Variants in MSI2 observed in about 807,000 individuals in gnomAD.
MSI2 encodes RNA-binding protein Musashi homolog 2.
In MSI2, 17 loss-of-function variants were observed where a neutral mutation model predicts 45.6. That is an observed-to-expected ratio of 0.37 (90% CI 0.26 to 0.56). MSI2 has a LOEUF of 0.56. Among genes scored for constraint, MSI2 ranks in the 20% least tolerant of loss-of-function variants. The pLI is 0.77. For synonymous variants in MSI2, 156 were observed against 158.2 expected (o/e 0.99, Z 0.11); for missense variants, 293 against 444.2 (o/e 0.66, Z 3.06).
chr17:57,463,730 C>T lies in MSI2; in HGVS notation c.405+62259C>T, dbSNP rs150648913. ...CTCCAGCCCCCTGCTCTGCCCCTGG[C>T]CCTGGACAGCACATCTGCTGTGCCC... On this transcript the variant is annotated intron_variant, in intron 6 of 13. Transcript: ENST00000284073. Among the ~76,000 whole-genome samples the T allele has an allele frequency of 5.9e-5, 9 of 151,422 alleles. No homozygotes were observed. In the East Asian group the frequency reaches 1.4e-3, roughly 23 times the overall value.
intron 6 of MSI2, among the ~76,000 whole-genome samples, chr17:57,414,590 C>T (rs2084259547): frequency 6.6e-6 from 1 of 151,980 alleles, no homozygotes; most frequent in African/African-American, 2.4e-5. Context: ...GATGTTTCGC[C>T]ATGTTGGCCA....
At chr17:57,467,393 C>T (rs746316719) in intron 6 of MSI2, among the ~76,000 whole-genome samples, 2 of 151,844 alleles carry the variant, frequency 1.3e-5, no homozygotes, top group African/African-American at 2.4e-5. Flanking sequence ...GACAGATGCA[C>T]GGATAGAAAG....
chr17:57,481,998 G>A (rs1216276590), intron 6 of MSI2, among the ~76,000 whole-genome samples: 1 of 152,198 alleles, frequency 6.6e-6, no homozygotes, highest in Non-Finnish European at 1.5e-5. Flanking sequence ...CCTCAAGATG[G>A]AGGCGAGTCA....
chr17:57,444,963 C>T (rs553095717), intron 6 of MSI2, among the ~76,000 whole-genome samples: 19 of 152,294 alleles, frequency 1.2e-4, no homozygotes, highest in African/African-American at 3.1e-4. Context: ...CTGGCATTCA[C>T]GGGGCATAGT....
intron 8 of MSI2, chr17:57,606,497 A>C (rs1474452120): frequency 6.6e-6 from 1 of 152,164 alleles, no homozygotes; most frequent in Non-Finnish European, 1.5e-5. Flanking sequence ...ACTAGGAGGC[A>C]CCCACTCTCA....
At chr17:57,395,552 G>A (rs1406078012) in intron 5 of MSI2, among the ~76,000 whole-genome samples, 1 of 152,142 alleles carries the variant, frequency 6.6e-6, no homozygotes, top group Non-Finnish European at 1.5e-5. Context: ...AGTTGTGAGG[G>A]TGAGGGAGGA....
intron 5 of MSI2, among the ~76,000 whole-genome samples, chr17:57,365,792 T>C (rs1917144057): frequency 6.6e-6 from 1 of 152,222 alleles, no homozygotes; most frequent in Non-Finnish European, 1.5e-5. Flanking sequence ...ACAGTATACC[T>C]GGTGCTGTTC....
At chr17:57,416,720 G>A (rs2084301100) in intron 6 of MSI2, among the ~76,000 whole-genome samples, 1 of 152,168 alleles carries the variant, frequency 6.6e-6, no homozygotes, top group South Asian at 2.1e-4. Flanking sequence ...CTACACTCAG[G>A]GAGACCTTCA....
intron 7 of MSI2, among the ~76,000 whole-genome samples, chr17:57,540,679 G>A (rs987335650): frequency 6.6e-5 from 10 of 152,190 alleles, no homozygotes; most frequent in Admixed American, 2.0e-4. Context: ...GGGGCAGTGC[G>A]GCTGCAAGCC....
intron 6 of MSI2, among the ~76,000 whole-genome samples, chr17:57,411,888 TC>T (rs1253315620): frequency 6.6e-6 from 1 of 151,900 alleles, no homozygotes; most frequent in Non-Finnish European, 1.5e-5. Flanking sequence ...GCGCTTGTAA[TC>T]CCAGCTACTC....
At chr17:57,585,800 G>A (rs748974624) in intron 7 of MSI2, among the ~76,000 whole-genome samples, 2 of 152,228 alleles carry the variant, frequency 1.3e-5, no homozygotes, top group Admixed American at 6.5e-5. Context: ...CCATGCTCCC[G>A]CAGTTGGAGC....
intron 6 of MSI2, among the ~76,000 whole-genome samples, chr17:57,499,935 G>A (rs1004710795): frequency 6.6e-6 from 1 of 152,020 alleles, no homozygotes; most frequent in Non-Finnish European, 1.5e-5. Context: ...AGGCAGAAGC[G>A]TGTTCACTTT....
chr17:57,285,562 T>C (rs143945420), intron 5 of MSI2, among the ~76,000 whole-genome samples: 27 of 152,304 alleles, frequency 1.8e-4, no homozygotes, highest in Admixed American at 7.8e-4. Context: ...GTGGGGAAAG[T>C]ATGCCCAGCT....
intron 9 of MSI2, among the ~76,000 whole-genome samples, chr17:57,620,477 G>A (rs905779374): frequency 6.6e-6 from 1 of 152,230 alleles, no homozygotes. Flanking sequence ...AAAGATGTGT[G>A]TCTTCAAATC....
chr17:57,674,902 A>G (rs1913105481), intron 11 of MSI2, 70 bp from the exon 12 acceptor site: 1 of 1,592,636 alleles, frequency 6.3e-7, no homozygotes, highest in African/African-American at 1.3e-5. Context: ...ACCCAGCTCT[A>G]TTCTCTGCAC....
At chr17:57,671,083 G>A (rs1022142950) in intron 11 of MSI2, among the ~76,000 whole-genome samples, 1 of 152,014 alleles carries the variant, frequency 6.6e-6, no homozygotes, top group Non-Finnish European at 1.5e-5. Context: ...GTGCCACCTT[G>A]ACTGGGAAAG....
intron 6 of MSI2, among the ~76,000 whole-genome samples, chr17:57,514,650 CTT>C (rs11318524): frequency 0.01 from 1,408 of 135,184 alleles, 20 homozygotes; most frequent in South Asian, 0.084. Context: ...TGAATTGATA[CTT>C]TTTTTTTTTT....
At chr17:57,691,223 CTATCT>C in the MSI2 span, among the ~76,000 whole-genome samples, 1 of 151,688 alleles carries the variant, frequency 6.6e-6, no homozygotes, top group Non-Finnish European at 1.5e-5. Context: ...ATCTATCTAT[CTATCT>C]ATCTATCTAT....
At chr17:57,592,360 A>T (rs1000460033) in intron 7 of MSI2, among the ~76,000 whole-genome samples, 1 of 152,186 alleles carries the variant, frequency 6.6e-6, no homozygotes, top group East Asian at 1.9e-4. Flanking sequence ...GGGGTTATTC[A>T]GCACTAAGTT....
Sources: allele counts gnomAD v4.1 joint callset (sites outside exome capture counted in the v4.1 genomes callset), GRCh38; gene constraint gnomAD v4.1.1; transcripts MANE v1.5; gene names NCBI Gene and HGNC (gene_info 2026-07-23, HGNC 2026-07-21).